Variants in EYS observed in about 807,000 individuals in gnomAD.
EYS encodes protein eyes shut homolog.
Under a neutral mutation model 282.1 loss-of-function variants are expected in EYS, and 250 were observed. The observed-to-expected ratio is 0.89, with a 90% confidence interval of 0.80 to 0.98. The LOEUF is 0.98. EYS is among the 50% of genes least tolerant of loss of function. The pLI, the probability that EYS is intolerant of heterozygous loss-of-function variation, is 0.00. For missense variants in EYS, 4,016 were observed against 3,709.0 expected, an observed-to-expected ratio of 1.08 and a Z score of -2.15; for synonymous variants, 1,355 against 1,282.9, an observed-to-expected ratio of 1.06 and a Z score of -1.20.
intron 11 of EYS, chr6:65,331,538 A>G (rs1483719146): frequency 1.0e-6 from 1 of 962,824 alleles, no homozygotes; most frequent in Non-Finnish European, 1.2e-6. Context: ...TAATTATGAG[A>G]CAATATCAAG....
intron 33 of EYS, among the ~76,000 whole-genome samples, chr6:64,055,277 A>G (rs916530121): frequency 1.3e-4 from 20 of 152,134 alleles, no homozygotes; most frequent in African/African-American, 4.8e-4. Flanking sequence ...TTCTAGTCCT[A>G]CAGCAGCAAT....
chr6:64,456,488 T>G (rs2150481593), intron 26 of EYS, among the ~76,000 whole-genome samples: 1 of 152,166 alleles, frequency 6.6e-6, no homozygotes, highest in African/African-American at 2.4e-5. Context: ...TGAAGAAATC[T>G]TTTAACCTCC....
At chr6:64,214,125 A>G (rs1050064477) in intron 31 of EYS, among the ~76,000 whole-genome samples, 1 of 152,056 alleles carries the variant, frequency 6.6e-6, no homozygotes, top group Non-Finnish European at 1.5e-5. Context: ...CTGAAATGCA[A>G]TATAAACTCC....
At chr6:64,741,396 G>T (rs1772367471) in intron 22 of EYS, among the ~76,000 whole-genome samples, 1 of 152,128 alleles carries the variant, frequency 6.6e-6, no homozygotes, top group Non-Finnish European at 1.5e-5. Context: ...CACAAGCAAA[G>T]TAGATTTAAC....
chr6:64,506,963 C>T lies in EYS; in HGVS notation c.5645-67611G>A, dbSNP rs540015721. ...ATAAATACTAAAGTAGTCCTCCCTCCAGTTTCAGTTTTTTTTTTTTTTTTG... is the reference window on the plus strand; with the variant it reads ...ATAAATACTAAAGTAGTCCTCCCTCTAGTTTCAGTTTTTTTTTTTTTTTTG... On this transcript the variant is annotated intron_variant, in intron 26 of 42. Transcript: ENST00000503581. 1.1e-3 allele frequency among the ~76,000 whole-genome samples: 137 copies of T among 124,468 alleles called. 7 individuals carry two copies. Among genetic ancestry groups the T allele is most frequent in the African/African-American group, 5.3e-3 (131 of 24,550 alleles). 81.7% of individuals were successfully genotyped at this position (124,468 alleles called of 152,430 possible). A position where few individuals can be genotyped will look rare whatever the true frequency, so the allele number is the denominator to read the frequency against.
At position 63,972,976 on chromosome 6, in the gene EYS, T is replaced by C. The variant is rs866053119; in HGVS notation, c.7055+11407A>G. 6.6e-5 allele frequency among the ~76,000 whole-genome samples: 10 copies of C among 152,268 alleles called. No homozygotes were observed. In the Middle Eastern group the frequency reaches 0.01, roughly 155 times the overall value. On this transcript the variant is annotated intron_variant, in intron 35 of 42. Coordinates refer to ENST00000503581, the MANE Select transcript of EYS (RefSeq NM_001142800.2). ...GGTTGGTTCCAAGTCTTTCCTATTGTGAATAGTGCTGCAATAAACATACAT... is the reference window on the plus strand; with the variant it reads ...GGTTGGTTCCAAGTCTTTCCTATTGCGAATAGTGCTGCAATAAACATACAT...
At chr6:65,320,154 A>G (rs921574483) in intron 11 of EYS, among the ~76,000 whole-genome samples, 2 of 152,084 alleles carry the variant, frequency 1.3e-5, no homozygotes, top group Admixed American at 6.5e-5. Flanking sequence ...TGCAGGAAAA[A>G]AAAAACACAC....
At chr6:64,299,003 A>G (rs1335118866) in intron 30 of EYS, among the ~76,000 whole-genome samples, 1 of 152,218 alleles carries the variant, frequency 6.6e-6, no homozygotes, top group African/African-American at 2.4e-5. Context: ...ATATAAATGT[A>G]GGAGTTCAGT....
At chr6:65,047,952 G>A (rs1486715059) in intron 13 of EYS, among the ~76,000 whole-genome samples, 1 of 151,776 alleles carries the variant, frequency 6.6e-6, no homozygotes, top group East Asian at 2.0e-4. Flanking sequence ...AAAACACAGA[G>A]GGAAATGAGG....
intron 26 of EYS, among the ~76,000 whole-genome samples, chr6:64,506,807 G>A (rs928434068): frequency 1.3e-5 from 2 of 150,306 alleles, no homozygotes; most frequent in Non-Finnish European, 2.9e-5. Flanking sequence ...TACTGGGGAG[G>A]CTGAGGCAGG....
intron 21 of EYS, among the ~76,000 whole-genome samples, chr6:64,818,435 G>T (rs536682457): frequency 6.6e-6 from 1 of 152,256 alleles, no homozygotes; most frequent in Non-Finnish European, 1.5e-5. Context: ...GTGAAAGGGA[G>T]TTTATTAAGG....
chr6:65,099,616 C>T (rs948780588), intron 12 of EYS, among the ~76,000 whole-genome samples: 1 of 150,308 alleles, frequency 6.7e-6, no homozygotes, highest in African/African-American at 2.4e-5. Context: ...GTAGATTCAG[C>T]TAATATAACT....
At chr6:64,831,034 C>T (rs1251939134) in intron 19 of EYS, among the ~76,000 whole-genome samples, 1 of 151,982 alleles carries the variant, frequency 6.6e-6, no homozygotes, top group Admixed American at 6.6e-5. Context: ...GAGGGATCAA[C>T]TGAGGCTTCT....
intron 24 of EYS, among the ~76,000 whole-genome samples, chr6:64,593,885 G>A (rs1005717670): frequency 3.3e-5 from 5 of 152,214 alleles, no homozygotes; most frequent in Admixed American, 6.5e-5. Context: ...TGAAAATTGC[G>A]ATAATGTATA....
At chr6:64,009,831 C>A (rs113721775) in intron 33 of EYS, among the ~76,000 whole-genome samples, 1 of 152,042 alleles carries the variant, frequency 6.6e-6, no homozygotes, top group Non-Finnish European at 1.5e-5. Flanking sequence ...AGTTCTTGCG[C>A]TTGTTCTTTC....
At chr6:64,829,317 T>C (rs1490971677) in intron 19 of EYS, among the ~76,000 whole-genome samples, 1 of 151,874 alleles carries the variant, frequency 6.6e-6, no homozygotes, top group Non-Finnish European at 1.5e-5. Context: ...GAGTGGCAAA[T>C]ATGGAGGCCT....
intron 41 of EYS, among the ~76,000 whole-genome samples, chr6:63,761,996 G>A (rs867606078): frequency 1.8e-4 from 28 of 151,984 alleles, no homozygotes; most frequent in African/African-American, 6.5e-4. Flanking sequence ...CCAGTAGTTA[G>A]GACACTGTTG....
At chr6:65,277,231 A>G (rs2089003) in intron 12 of EYS, among the ~76,000 whole-genome samples, 146,064 of 152,058 alleles carry the variant, frequency 0.96, 70,434 homozygotes, top group East Asian at 1. Context: ...TCAGGAGATC[A>G]AGACCTTCCT....
At chr6:65,364,038 T>TGGAATATGCCTGAGTTCTTATGGGAAC (rs1562124201) in intron 8 of EYS, among the ~76,000 whole-genome samples, 1 of 151,092 alleles carries the variant, frequency 6.6e-6, no homozygotes, top group Admixed American at 6.7e-5. Context: ...AAGTACTTCT[T>TGGAATATGCCTGAGTTCTTATGGGAAC]TGGTATTTTT....
Sources: gnomAD v4.1 joint callset for allele counts (sites outside exome capture counted in the v4.1 genomes callset) on GRCh38, gnomAD v4.1.1 for gene constraint, MANE v1.5 for transcripts, NCBI Gene and HGNC (gene_info 2026-07-23, HGNC 2026-07-21) for gene names.